MOV10L1: variants seen among roughly 807,000 people sequenced by gnomAD.
MOV10L1 encodes the protein Mov10 like RNA helicase 1.
In MOV10L1, 110 loss-of-function variants were observed where a neutral mutation model predicts 143.8. That is an observed-to-expected ratio of 0.76 (90% CI 0.66 to 0.90). MOV10L1 has a LOEUF of 0.90. Ranked by LOEUF, MOV10L1 falls within the 40% of genes least tolerant of loss-of-function variation. The probability of loss-of-function intolerance (pLI) is 0.00; values close to 1 mark genes in which losing one functional copy is unlikely to be tolerated. For synonymous variants in MOV10L1, 593 were observed against 581.1 expected, an observed-to-expected ratio of 1.02 and a Z score of -0.29; for missense variants, 1,406 against 1,526.8, an observed-to-expected ratio of 0.92 and a Z score of 1.32.
At position 50,145,822 on chromosome 22, in the gene MOV10L1, G is replaced by A; in HGVS notation, c.2627+12G>A. The A allele has an allele frequency of 1.2e-6, 2 of 1,613,134 alleles. No homozygotes were observed. Among genetic ancestry groups the A allele is most frequent in the Non-Finnish European group, 1.7e-6 (2 of 1,179,848 alleles). ...CAAATAGGAGTGAGGTGAGCCCCGGGCATGGAGCGCGGCATGGGGCCTCCC... is the reference window on the plus strand; with the variant it reads ...CAAATAGGAGTGAGGTGAGCCCCGGACATGGAGCGCGGCATGGGGCCTCCC... On this transcript the variant is annotated intron_variant, in intron 19 of 26. Transcript: ENST00000262794.
rs2063478071 is a variant in MOV10L1 at position 50,158,301 on chromosome 22, T to G, written c.3216+95T>G. On this transcript the variant is annotated intron_variant, in intron 23 of 26. Transcript: ENST00000262794. This position sits in a 1 kb window ranked among gnomAD's most constrained non-coding sequence, Gnocchi z 5.0. ...CACAGAGGCAGGAACAAGCTCCTTG[T>G]GAGCAGCAGCAGGTTTTTAAAGGGG... The G allele has an allele frequency of 6.7e-7, 1 of 1,485,180 alleles. No individual in the cohort carries two copies. The highest frequency in any genetic ancestry group is 2.0e-5 in the Admixed American group (1 of 49,534). The allele number at this position is 1,485,180 out of a possible 1,614,324, so 92.0% of individuals were successfully genotyped here.
chr22:50,090,536 A>C (rs1178173073), intron 1 of MOV10L1: 2 of 1,603,106 alleles, frequency 1.2e-6, no homozygotes, highest in Non-Finnish European at 1.7e-6. Context: ...GCCCCGAAAA[A>C]CGCGGCCCCG....
At position 50,161,549 on chromosome 22, in the gene MOV10L1, C is replaced by T; in HGVS notation, c.*100C>T. On this transcript the variant is annotated 3_prime_UTR_variant, in exon 27 of 27. Transcript: ENST00000262794. ...CTGTGGCCTGCCCTTGTCTCGCAGC[C>T]AGGCAGGGTCGTGTGTGGGTGTGGG... 10 of 1,225,562 alleles carry T rather than the reference C, an allele frequency of 8.2e-6. No individual in the cohort carries two copies. In the South Asian group the frequency reaches 1.2e-4, roughly 15 times the overall value. The allele number at this position is 1,225,562 out of a possible 1,614,324, so 75.9% of individuals were successfully genotyped here.
chr22:50,157,942 G>A, intron 22 of MOV10L1, 115 bp from the exon 23 acceptor site: 1 of 1,261,250 alleles, frequency 7.9e-7, no homozygotes, highest in Admixed American at 2.3e-5. Flanking sequence ...ACGAGAGCAG[G>A]GATTTATTCT....
chr22:50,109,397 C>T (rs572651284), intron 5 of MOV10L1, among the ~76,000 whole-genome samples: 15 of 151,834 alleles, frequency 9.9e-5, no homozygotes, highest in African/African-American at 3.1e-4. Flanking sequence ...AGGCCGGGCA[C>T]GGTGGCTCAC....
chr22:50,156,319 T>C (rs959041410), intron 22 of MOV10L1, among the ~76,000 whole-genome samples: 1 of 152,220 alleles, frequency 6.6e-6, no homozygotes, highest in South Asian at 2.1e-4. Flanking sequence ...TTTCACCATG[T>C]TGGCCAGGCT....
intron 15 of MOV10L1, among the ~76,000 whole-genome samples, chr22:50,137,912 T>G (rs928548579): frequency 6.6e-6 from 1 of 150,424 alleles, no homozygotes; most frequent in South Asian, 2.1e-4. Flanking sequence ...TGTATACATA[T>G]ATGTATCTAT....
Position 50,099,592 on chromosome 22 carries a change from T to A in MOV10L1, c.432T>A (p.Ser144Arg), listed in dbSNP as rs753707707. ...ISQTTYFSLE[S>R]VCEGFEPCKG... Reference sequence around the variant, plus strand: ...AGACCACCTACTTCTCTCTGGAGAGTGTGTGCGAAGGTATGCTCAGGGGTC... The same window carrying A: ...AGACCACCTACTTCTCTCTGGAGAGAGTGTGCGAAGGTATGCTCAGGGGTC... The change falls in exon 3 of 27, where the codon AGT becomes AGA. Residue 144 changes from serine (S) to arginine (R), a missense_variant. Physicochemically the swap from Ser to Arg is moderately radical, Grantham distance 110 (BLOSUM62 -1). Transcript: ENST00000262794. 1.2e-5 allele frequency: 19 copies of A among 1,611,230 alleles called. No individual in the cohort carries two copies. The South Asian group carries it at 2.1e-4, about 18-fold the overall frequency.
chr22:50,105,416 T>A (rs193004243), intron 3 of MOV10L1, among the ~76,000 whole-genome samples: 59 of 152,308 alleles, frequency 3.9e-4, no homozygotes, highest in Non-Finnish European at 6.2e-4. Context: ...AAGGGCTTCA[T>A]CGAAAGATTC....
At chr22:50,144,265 T>C (rs780400733) in intron 18 of MOV10L1, 22 bp downstream of exon 18, 1 of 1,580,150 alleles carries the variant, frequency 6.3e-7, no homozygotes, top group East Asian at 2.3e-5. Context: ...GTGCAAGCAG[T>C]GGGGGGCACC....
intron 2 of MOV10L1, among the ~76,000 whole-genome samples, chr22:50,097,987 C>A (rs1464394995): frequency 6.6e-6 from 1 of 152,026 alleles, no homozygotes; most frequent in African/African-American, 2.4e-5. Context: ...GTGCTTGCCA[C>A]TACACCCAGC....
In MOV10L1 at chr22:50,090,053, AG is replaced by A. The variant is rs1425204601; in HGVS notation, c.-35del. On this transcript the variant is annotated 5_prime_UTR_variant, in exon 1 of 27. Transcript: ENST00000262794. ...GGCGCGGGCGCGTGCGGGCGGCGGC[AG>A]CGGCGGTGACGGCAGCCTAGGCCGG... 23 of 827,102 alleles carry A rather than the reference AG, an allele frequency of 2.8e-5. No homozygotes were observed. The highest frequency in any genetic ancestry group is 1.0e-4 in the East Asian group (2 of 19,264). 51.2% of individuals were successfully genotyped at this position (827,102 alleles called of 1,614,324 possible).
In MOV10L1 at chr22:50,106,491, C is replaced by CT. The variant is rs1017825062; in HGVS notation, c.443-1636dup. On this transcript the variant is annotated intron_variant, in intron 3 of 26. Transcript: ENST00000262794. The stretch of plus-strand genomic sequence containing the variant: ...GGAAAAAAAAATTAATTGAATTTAA[C>CT]TTTTTTTTTCTTTAAAGTAACTGTA... Among the ~76,000 whole-genome samples the CT allele has an allele frequency of 2.6e-4, 40 of 150,984 alleles. No individual in the cohort carries two copies. The South Asian group carries it at 7.1e-3, about 27-fold the overall frequency.
At chr22:50,128,994 A>T (rs186168957) in intron 13 of MOV10L1, among the ~76,000 whole-genome samples, 8 of 152,240 alleles carry the variant, frequency 5.3e-5, no homozygotes, top group African/African-American at 1.9e-4. Flanking sequence ...TTAATTGGAC[A>T]GTGTTCTCTT....
intron 3 of MOV10L1, among the ~76,000 whole-genome samples, chr22:50,102,279 C>G (rs1441883882): frequency 6.6e-6 from 1 of 152,184 alleles, no homozygotes; most frequent in Non-Finnish European, 1.5e-5. Flanking sequence ...TACAGAGTAT[C>G]TAATGAGATC....
chr22:50,150,845 G>A lies in MOV10L1; in HGVS notation c.2838G>A (p.Ala946=), dbSNP rs754290240. Residue 946 remains alanine, a synonymous_variant, in exon 21 of 27, where the codon GCG becomes GCA. Transcript: ENST00000262794. ...TGGAACGGCTGATGTCTCGACCCGC[G>A]TACCAGAGGGACGAAAATGCTTTCG... ...SFLERLMSRP[A]YQRDENAFGA... is the part of the protein sequence containing the mutation. 81 of 1,614,098 alleles carry A rather than the reference G, an allele frequency of 5.0e-5. No homozygotes were observed. The highest frequency in any genetic ancestry group is 3.7e-4 in the South Asian group (34 of 91,088).
At chr22:50,121,829 GTAAGT>G (rs2062355606) in intron 10 of MOV10L1, among the ~76,000 whole-genome samples, 1 of 152,222 alleles carries the variant, frequency 6.6e-6, no homozygotes, top group South Asian at 2.1e-4. Context: ...CAGCTTTGTA[GTAAGT>G]TTTGAAATCA....
chr22:50,106,699 C>CT lies in MOV10L1; in HGVS notation c.443-1417dup, dbSNP rs71198216. 6.5e-3 allele frequency among the ~76,000 whole-genome samples: 786 copies of CT among 120,680 alleles called. 7 individuals carry two copies. The highest frequency in any genetic ancestry group is 0.044 in the East Asian group (180 of 4,052). The allele number at this position is 120,680 out of a possible 152,430, so 79.2% of individuals were successfully genotyped here. On this transcript the variant is annotated intron_variant, in intron 3 of 26. Transcript: ENST00000262794. ...TTAAATTGTGGTTTTAGGACATGGT[C>CT]TTTTTTTTTTTTTTTTTTTTGAGAC...
At position 50,128,465 on chromosome 22, in the gene MOV10L1, C is replaced by A. The variant is rs774907224; in HGVS notation, c.1868C>A (p.Ala623Asp). The A allele has an allele frequency of 6.4e-7, 1 of 1,560,340 alleles. No individual in the cohort carries two copies. Among genetic ancestry groups the A allele is most frequent in the Admixed American group, 1.7e-5 (1 of 58,102 alleles). ...AAAATTAATCCAGAATTTGAACAAG[C>A]CTATAACTTTGAACCTATGGATGTG... ...TLKINPEFEQ[A>D]YNFEPMDVEF... Residue 623 changes from alanine to aspartate, a missense_variant, in exon 13 of 27, where the codon GCC (alanine) becomes GAC (aspartate). Around this residue, in one of 3 missense-constraint regions of MOV10L1, gnomAD observed 1,233 missense variants for 1,351.4 expected, o/e 0.91. Coordinates refer to ENST00000262794, the MANE Select transcript of MOV10L1 (RefSeq NM_018995.3).
Sources: allele counts gnomAD v4.1 joint callset (sites outside exome capture counted in the v4.1 genomes callset), GRCh38; gene constraint gnomAD v4.1.1; regional missense constraint gnomAD v4.1.1; non-coding constraint Gnocchi (gnomAD v3.1); transcripts MANE v1.5; gene names NCBI Gene and HGNC (gene_info 2026-07-23, HGNC 2026-07-21).